Variants in TXNDC12 observed in about 807,000 individuals in gnomAD.
TXNDC12 encodes the protein thioredoxin domain containing 12, also known as thioredoxin domain-containing protein 12.
TXNDC12 carries 22 observed loss-of-function variants against 24.2 expected under a neutral mutation model. The ratio of observed to expected loss-of-function variants is 0.91; its 90% CI spans 0.65 to 1.30. TXNDC12 has a LOEUF of 1.30. Ranked by LOEUF, TXNDC12 falls within the 50% of genes most tolerant of loss-of-function variation. TXNDC12 has a pLI of 0.00. For synonymous variants in TXNDC12, 58 were observed against 73.4 expected (o/e 0.79, Z 1.07); for missense variants, 184 against 205.8 (o/e 0.89, Z 0.65).
intron 4 of TXNDC12, among the ~76,000 whole-genome samples, chr1:52,026,957 A>C (rs1685679859): frequency 1.3e-5 from 2 of 151,718 alleles, no homozygotes; most frequent in Non-Finnish European, 2.9e-5. Context: ...AATTGATTTA[A>C]CCCGGGAGGA....
intron 6 of TXNDC12, chr1:52,023,288 C>A: frequency 2.2e-6 from 1 of 463,710 alleles, no homozygotes; most frequent in Non-Finnish European, 3.9e-6. Flanking sequence ...TTCACAGCTG[C>A]CTGTGGGTCA....
In TXNDC12 at chr1:52,020,612, C is replaced by T. The variant is rs895725115; in HGVS notation, c.*321G>A. ...AAGTGGGAGGAAATGGGAAAAGACT[C>T]AAATACTTAAGTGCGAGGAGTAAAC... On this transcript the variant is annotated 3_prime_UTR_variant, in exon 7 of 7. Coordinates refer to ENST00000371626, the MANE Select transcript of TXNDC12 (RefSeq NM_015913.4). 2.4e-5 allele frequency: 8 copies of T among 333,870 alleles called. No individual in the cohort carries two copies. The highest frequency in any genetic ancestry group is 1.7e-4 in the African/African-American group (8 of 47,638). 20.7% of individuals were successfully genotyped at this position (333,870 alleles called of 1,614,324 possible).
chr1:52,039,787 T>C (rs1312407821), intron 2 of TXNDC12, among the ~76,000 whole-genome samples: 1 of 152,236 alleles, frequency 6.6e-6, no homozygotes, highest in Admixed American at 6.5e-5. Flanking sequence ...AGTAATGTTA[T>C]ATACTACAGT....
chr1:52,030,880 G>C (rs1209969085), intron 2 of TXNDC12, among the ~76,000 whole-genome samples: 1 of 152,144 alleles, frequency 6.6e-6, no homozygotes, highest in Non-Finnish European at 1.5e-5. Context: ...AAAATTAATT[G>C]TAATTCACAT....
intron 1 of TXNDC12, chr1:52,052,428 T>A (rs922405774): frequency 1.8e-5 from 3 of 169,278 alleles, no homozygotes; most frequent in Non-Finnish European, 4.4e-5. Context: ...AGTGATGCTA[T>A]GTGCCTTGTA....
chr1:52,020,312 A>G lies in TXNDC12; in HGVS notation c.*621T>C. 2.5e-6 allele frequency: 1 copy of G among 403,120 alleles called. No homozygotes were observed. The highest frequency in any genetic ancestry group is 4.9e-6 in the Non-Finnish European group (1 of 204,828). 25.0% of individuals were successfully genotyped at this position (403,120 alleles called of 1,614,324 possible). A position where few individuals can be genotyped will look rare whatever the true frequency, so the allele number is the denominator to read the frequency against. ...TCCACCTGGAGCCGAGTCCAAGCAC[A>G]CAGCCAGTCCTGCACACGCATGCGT... is the stretch of plus-strand genomic sequence containing the variant. On this transcript the variant is annotated 3_prime_UTR_variant, in exon 7 of 7. Coordinates refer to ENST00000371626, the MANE Select transcript of TXNDC12 (RefSeq NM_015913.4).
rs34590025 is a variant in TXNDC12, at chr1:52,037,207, C to CTT, written c.158+4328_158+4329dup. 1.9e-3 allele frequency among the ~76,000 whole-genome samples: 240 copies of CTT among 123,442 alleles called. 1 individual carries two copies. Among genetic ancestry groups the CTT allele is most frequent in the African/African-American group, 3.0e-3 (94 of 31,084 alleles). The allele number at this position is 123,442 out of a possible 152,430, so 81.0% of individuals were successfully genotyped here. On this transcript the variant is annotated intron_variant, in intron 2 of 6. Transcript: ENST00000371626. ...TTGTGTTTGGAGGCAAATAGACCAC[C>CTT]TTTTTTTTTTTTTTTTTTTTTTGAG...
intron 1 of TXNDC12, among the ~76,000 whole-genome samples, chr1:52,043,607 G>C (rs1264155259): frequency 6.6e-6 from 1 of 152,116 alleles, no homozygotes; most frequent in Non-Finnish European, 1.5e-5. Context: ...TAAGGTTACT[G>C]AATATTAAAT....
At position 52,020,990 on chromosome 1, in the gene TXNDC12, A is replaced by T. The variant is rs751382443; in HGVS notation, c.462T>A (p.Ala154=). ...AEQVVQGMKE[A]QERLTGDAFR... is the part of the protein sequence containing the mutation. ...AGGCATCACCCGTCAGCCTTTCCTG[A>T]GCTTCCTTCATCCCCTGAACAACTG... is the stretch of plus-strand genomic sequence containing the variant. The change falls in exon 7 of 7, where the codon GCT becomes GCA. Residue 154 remains alanine (A), a synonymous_variant. Transcript: ENST00000371626. The T allele has an allele frequency of 6.2e-7, 1 of 1,614,046 alleles. No homozygotes were observed. Among genetic ancestry groups the T allele is most frequent in the Non-Finnish European group, 8.5e-7 (1 of 1,179,910 alleles).
intron 6 of TXNDC12, among the ~76,000 whole-genome samples, chr1:52,021,560 CAAA>C (rs901244160): frequency 1.8e-5 from 1 of 55,710 alleles, no homozygotes; most frequent in Admixed American, 1.8e-4. Context: ...GTTCTCAGGC[CAAA>C]AAAAAAAAAA....
chr1:52,051,576 G>T (rs372208286), intron 1 of TXNDC12, among the ~76,000 whole-genome samples: 2 of 151,926 alleles, frequency 1.3e-5, no homozygotes, highest in African/African-American at 4.8e-5. Flanking sequence ...ATGGGGTTTC[G>T]CCATGTTGGC....
At chr1:52,040,748 T>C (rs1204676666) in intron 2 of TXNDC12, among the ~76,000 whole-genome samples, 2 of 152,108 alleles carry the variant, frequency 1.3e-5, no homozygotes, top group Admixed American at 6.5e-5. Context: ...CCATGTTGTT[T>C]GGCCGGGCGT....
upstream of TXNDC12, chr1:52,055,309 T>A: frequency 1.9e-6 from 1 of 534,780 alleles, no homozygotes; most frequent in Non-Finnish European, 3.4e-6. Context: ...GCAGATCACG[T>A]AGAAGGGTAC....
At chr1:52,047,263 A>G (rs1432313561) in intron 1 of TXNDC12, among the ~76,000 whole-genome samples, 1 of 152,172 alleles carries the variant, frequency 6.6e-6, no homozygotes, top group East Asian at 1.9e-4. Context: ...GGGAGCATGT[A>G]TGAACACTAG....
Position 52,020,831 on chromosome 1 carries a change from T to C in TXNDC12, c.*102A>G. 1.0e-6 allele frequency: 1 copy of C among 964,902 alleles called. No homozygotes were observed. The highest frequency in any genetic ancestry group is 1.5e-5 in the South Asian group (1 of 66,990). The allele number at this position is 964,902 out of a possible 1,614,324, so 59.8% of individuals were successfully genotyped here. ...CTTCCAGTGTAGGTAGGAATGAGGT[T>C]TCCTGGTCGGCTTAATTGTTCTAGA... On this transcript the variant is annotated 3_prime_UTR_variant, in exon 7 of 7. Coordinates refer to ENST00000371626, the MANE Select transcript of TXNDC12 (RefSeq NM_015913.4).
intron 2 of TXNDC12, among the ~76,000 whole-genome samples, chr1:52,038,751 TAG>T (rs1491105466): frequency 1.3e-5 from 2 of 152,202 alleles, no homozygotes; most frequent in Non-Finnish European, 2.9e-5. Context: ...CAAATCATAT[TAG>T]AGTCAATAGG....
chr1:52,042,878 T>G (rs1257704893), intron 1 of TXNDC12, among the ~76,000 whole-genome samples: 1 of 152,168 alleles, frequency 6.6e-6, no homozygotes, highest in Non-Finnish European at 1.5e-5. Flanking sequence ...CGCCTCAGCC[T>G]CCCAAACTGC....
intron 6 of TXNDC12, 122 bp downstream of exon 6, chr1:52,023,369 C>A: frequency 1.3e-6 from 1 of 752,780 alleles, no homozygotes. Context: ...TGGCCAAAAG[C>A]TATAGACATG....
chr1:52,053,435 C>A (rs758015947), intron 1 of TXNDC12, among the ~76,000 whole-genome samples: 1 of 152,036 alleles, frequency 6.6e-6, no homozygotes, highest in Non-Finnish European at 1.5e-5. Flanking sequence ...GAGGCCGAGG[C>A]GGGCAGATCA....
Sources: allele counts gnomAD v4.1 joint callset (sites outside exome capture counted in the v4.1 genomes callset), GRCh38; gene constraint gnomAD v4.1.1; transcripts MANE v1.5; gene names NCBI Gene and HGNC (gene_info 2026-07-23, HGNC 2026-07-21).